Variants in MACROD2 observed in about 807,000 individuals in gnomAD.
MACROD2 encodes the protein mono-ADP ribosylhydrolase 2, also known as ADP-ribose glycohydrolase MACROD2.
A neutral mutation model predicts 70.4 loss-of-function variants in MACROD2; 36 were observed. The observed-to-expected ratio is 0.51, with a 90% confidence interval of 0.39 to 0.68. The LOEUF (loss-of-function observed/expected upper bound fraction) is 0.68, where lower values mean the gene tolerates loss of function less well. MACROD2 is among the 30% of genes least tolerant of loss of function. The pLI, the probability that MACROD2 is intolerant of heterozygous loss-of-function variation, is 0.00. For missense variants in MACROD2, 496 were observed against 538.4 expected, an observed-to-expected ratio of 0.92 and a Z score of 0.78; for synonymous variants, 172 against 178.8, an observed-to-expected ratio of 0.96 and a Z score of 0.30.
chr20:15,146,883 A>G (rs2076233998), intron 5 of MACROD2, among the ~76,000 whole-genome samples: 1 of 152,162 alleles, frequency 6.6e-6, no homozygotes, highest in Non-Finnish European at 1.5e-5. Context: ...TTTAGCATAG[A>G]AATTTGTTTC....
At chr20:15,347,991 A>G (rs369513916) in intron 6 of MACROD2, among the ~76,000 whole-genome samples, 2 of 152,210 alleles carry the variant, frequency 1.3e-5, no homozygotes, top group African/African-American at 4.8e-5. Context: ...AAAGACTACA[A>G]CGTACTCACC....
chr20:15,566,944 C>A (rs547546123), intron 8 of MACROD2, among the ~76,000 whole-genome samples: 2 of 152,248 alleles, frequency 1.3e-5, no homozygotes, highest in African/African-American at 2.4e-5. Context: ...TCAAATGATT[C>A]TCATACTGAA....
At chr20:14,065,406 T>G (rs1440710110) in intron 2 of MACROD2, among the ~76,000 whole-genome samples, 1 of 152,246 alleles carries the variant, frequency 6.6e-6, no homozygotes. Context: ...TATTTCATGC[T>G]TCTTGGTTGA....
chr20:14,970,132 C>T (rs2074677213), intron 5 of MACROD2, among the ~76,000 whole-genome samples: 2 of 152,130 alleles, frequency 1.3e-5, no homozygotes, highest in South Asian at 2.1e-4. Context: ...GCAGAAGGCA[C>T]CTCTTCACAG....
At chr20:14,472,007 G>C (rs894676653) in intron 3 of MACROD2, among the ~76,000 whole-genome samples, 1 of 152,042 alleles carries the variant, frequency 6.6e-6, no homozygotes, top group Admixed American at 6.6e-5. Context: ...GACAACTGTT[G>C]GTCTGCATTG....
intron 3 of MACROD2, among the ~76,000 whole-genome samples, chr20:14,285,586 G>A (rs114956191): frequency 0.015 from 2,284 of 150,362 alleles, 24 homozygotes; most frequent in African/African-American, 0.027. Context: ...CTTAAATGGA[G>A]AGTAAAAAAC....
intron 8 of MACROD2, among the ~76,000 whole-genome samples, chr20:15,588,345 C>T (rs752018854): frequency 6.6e-6 from 1 of 152,146 alleles, no homozygotes; most frequent in Non-Finnish European, 1.5e-5. Flanking sequence ...GGCCTCTGAG[C>T]CTGTGATGGG....
chr20:14,079,887 G>T (rs1029765274), intron 2 of MACROD2, among the ~76,000 whole-genome samples: 1 of 152,122 alleles, frequency 6.6e-6, no homozygotes, highest in South Asian at 2.1e-4. Context: ...AGCAAGAGTT[G>T]AGCAGCAGGT....
chr20:14,226,813 G>A (rs1046385597), intron 3 of MACROD2, among the ~76,000 whole-genome samples: 1 of 152,214 alleles, frequency 6.6e-6, no homozygotes, highest in South Asian at 2.1e-4. Context: ...CTCCTGTGCG[G>A]CCAAGCCTCC....
intron 2 of MACROD2, among the ~76,000 whole-genome samples, chr20:14,034,462 C>T (rs1017214951): frequency 6.6e-6 from 1 of 152,078 alleles, no homozygotes; most frequent in Admixed American, 6.5e-5. Flanking sequence ...GAATAATTTC[C>T]AGCCATGGAA....
chr20:14,115,565 A>C lies in MACROD2; in HGVS notation c.271+29837A>C, dbSNP rs116402831. On this transcript the variant is annotated intron_variant, in intron 3 of 17. Coordinates refer to ENST00000684519, the MANE Select transcript of MACROD2 (RefSeq NM_001351661.2). The stretch of plus-strand genomic sequence containing the variant: ...CCTTTGTTTAACTTTTGTTTCTTCA[A>C]ATGGCTTGCAGCTTGGAAGAGACAA... Among the ~76,000 whole-genome samples, 721 of 152,280 alleles carry C rather than the reference A, an allele frequency of 4.7e-3. 6 individuals are homozygous for C. The highest frequency in any genetic ancestry group is 0.037 in the Middle Eastern group (11 of 294).
At chr20:15,143,016 G>T (rs922058479) in intron 5 of MACROD2, among the ~76,000 whole-genome samples, 21 of 151,808 alleles carry the variant, frequency 1.4e-4, no homozygotes, top group Non-Finnish European at 1.5e-4. Flanking sequence ...TAATCCTTTG[G>T]GTATATACCC....
chr20:15,320,167 GC>G (rs1435419565), intron 6 of MACROD2, among the ~76,000 whole-genome samples: 4 of 152,068 alleles, frequency 2.6e-5, no homozygotes, highest in Non-Finnish European at 5.9e-5. Context: ...TTTTGCCACT[GC>G]ACTCCAGCCT....
intron 5 of MACROD2, among the ~76,000 whole-genome samples, chr20:14,954,754 A>ATAAATTATAAATATATAAATATC (rs2074508983): frequency 1.2e-3 from 2 of 1,608 alleles, no homozygotes; most frequent in African/African-American, 2.1e-3. Flanking sequence ...TTATAAATAT[A>ATAAATTATAAATATATAAATATC]TAAATAAATT....
At chr20:16,018,667 C>CT (rs574816541) in intron 15 of MACROD2, among the ~76,000 whole-genome samples, 193 of 152,272 alleles carry the variant, frequency 1.3e-3, no homozygotes, top group Non-Finnish European at 2.0e-3. Context: ...GGATTCCTTT[C>CT]TTTTTTTCTT....
At chr20:14,172,140 A>C (rs897075618) in intron 3 of MACROD2, among the ~76,000 whole-genome samples, 2 of 151,968 alleles carry the variant, frequency 1.3e-5, no homozygotes, top group Non-Finnish European at 2.9e-5. Context: ...GCTTTGCCTG[A>C]TATAGGAATA....
chr20:14,865,717 G>A (rs924895841), intron 5 of MACROD2, among the ~76,000 whole-genome samples: 3 of 152,038 alleles, frequency 2.0e-5, no homozygotes, highest in African/African-American at 7.2e-5. Context: ...ATTTGCATCT[G>A]TGTGTCATAT....
intron 6 of MACROD2, among the ~76,000 whole-genome samples, chr20:15,273,417 C>CAT (rs59038211): frequency 0.31 from 46,022 of 147,284 alleles, 7,617 homozygotes; most frequent in African/African-American, 0.47. Context: ...AACTCCCCTC[C>CAT]ATATATATAT....
intron 5 of MACROD2, among the ~76,000 whole-genome samples, chr20:15,140,215 T>G (rs2076181500): frequency 6.6e-6 from 1 of 152,156 alleles, no homozygotes; most frequent in African/African-American, 2.4e-5. Flanking sequence ...TGACCCTCCT[T>G]TTTCCCTCCC....
Sources: allele counts gnomAD v4.1 joint callset (sites outside exome capture counted in the v4.1 genomes callset), GRCh38; gene constraint gnomAD v4.1.1; transcripts MANE v1.5; gene names NCBI Gene and HGNC (gene_info 2026-07-23, HGNC 2026-07-21).